SELENOO: variants seen among roughly 807,000 people sequenced by gnomAD.
SELENOO encodes the protein selenoprotein O.
SELENOO carries 74 observed loss-of-function variants against 58.7 expected under a neutral mutation model. The ratio of observed to expected loss-of-function variants is 1.26; its 90% CI spans 1.04 to 1.53. The LOEUF (loss-of-function observed/expected upper bound fraction) is 1.53, where lower values mean the gene tolerates loss of function less well. Ranked by LOEUF, SELENOO falls within the 40% of genes most tolerant of loss-of-function variation. The pLI, the probability that SELENOO is intolerant of heterozygous loss-of-function variation, is 0.00. For synonymous variants in SELENOO, 543 were observed against 453.2 expected (o/e 1.20, Z -2.52); for missense variants, 1,149 against 970.0 (o/e 1.18, Z -2.45).
chr22:50,211,086 G>C lies in SELENOO; in HGVS notation c.1351+175G>C, dbSNP rs185004614. On this transcript the variant is annotated intron_variant, in intron 5 of 8. Transcript: ENST00000380903. ...GAATTTGGTGAATCTAGGACCTGCT[G>C]CGAGTGGAGTCATACGGTGCTTGTT... Among the ~76,000 whole-genome samples, 109 of 152,334 alleles carry C rather than the reference G, an allele frequency of 7.2e-4. 2 individuals carry two copies. The highest frequency in any genetic ancestry group is 2.5e-3 in the African/African-American group (104 of 41,560).
chr22:50,205,388 C>G (rs1306681074), intron 1 of SELENOO, among the ~76,000 whole-genome samples: 1 of 152,186 alleles, frequency 6.6e-6, no homozygotes, highest in Non-Finnish European at 1.5e-5. Flanking sequence ...GAGTTCAAGA[C>G]TAGCGTGGGC....
chr22:50,203,624 G>C (rs1349712435), intron 1 of SELENOO, among the ~76,000 whole-genome samples: 2 of 152,228 alleles, frequency 1.3e-5, no homozygotes, highest in African/African-American at 4.8e-5. Flanking sequence ...AATGGAGAAA[G>C]ACTTTTCAAC....
chr22:50,217,239 A>T lies in SELENOO; in HGVS notation c.1880A>T (p.Tyr627Phe). 1 of 1,611,718 alleles carries T rather than the reference A, an allele frequency of 6.2e-7. No homozygotes were observed. Among genetic ancestry groups the T allele is most frequent in the Non-Finnish European group, 8.5e-7 (1 of 1,179,462 alleles). ...RRVLKLLETP[Y>F]HCEAGAATDA... is the part of the protein sequence containing the mutation. Reference sequence around the variant, plus strand: ...GTGCTGAAACTACTGGAGACCCCTTACCACTGCGAGGCGGGGGCCGCCACA... The same window carrying T: ...GTGCTGAAACTACTGGAGACCCCTTTCCACTGCGAGGCGGGGGCCGCCACA... The change falls in exon 9 of 9, where the codon TAC becomes TTC. Residue 627 changes from tyrosine to phenylalanine, a missense_variant. Transcript: ENST00000380903.
intron 5 of SELENOO, among the ~76,000 whole-genome samples, chr22:50,213,984 G>A (rs1602495387): frequency 6.6e-6 from 1 of 152,304 alleles, no homozygotes; most frequent in Middle Eastern, 3.4e-3. Flanking sequence ...GTGTGTTTAA[G>A]TCTCCAACTC....
chr22:50,213,644 CTGGA>C (rs2064386817), intron 5 of SELENOO, among the ~76,000 whole-genome samples: 1 of 151,750 alleles, frequency 6.6e-6, no homozygotes, highest in Admixed American at 6.6e-5. Flanking sequence ...GATCTTCTGT[CTGGA>C]TGGTTTTTTT....
intron 1 of SELENOO, among the ~76,000 whole-genome samples, chr22:50,204,329 G>A (rs780430680): frequency 3.3e-5 from 5 of 152,026 alleles, no homozygotes; most frequent in African/African-American, 7.2e-5. Flanking sequence ...AGACTGTCTC[G>A]GAAAAATAAA....
In SELENOO at chr22:50,208,797, C is replaced by T. The variant is rs577826818; in HGVS notation, c.939+81C>T. On this transcript the variant is annotated intron_variant, in intron 3 of 8. Coordinates refer to ENST00000380903, the MANE Select transcript of SELENOO (RefSeq NM_031454.2). ...GTGTTGAAGACACCCTCATTTTGGC[C>T]GGGGGACAAAGGCTTTTACCCAGCC... The T allele has an allele frequency of 1.3e-4, 182 of 1,403,648 alleles. No homozygotes were observed. The African/African-American group carries it at 1.8e-3, about 14-fold the overall frequency. 86.9% of individuals were successfully genotyped at this position (1,403,648 alleles called of 1,614,324 possible).
Position 50,216,876 on chromosome 22 carries a change from G to A in SELENOO, c.1688G>A (p.Arg563Lys). ...GHWADWLQAYRARLDKDLEGA... is the reference protein window; with the variant it reads ...GHWADWLQAYKARLDKDLEGA... ...TGGGCTGACTGGCTACAGGCGTACA[G>A]GTGAGCCCTGCGTCCATGGTCACCG... Residue 563 changes from arginine (R) to lysine (K), a missense_variant and splice_region_variant, in exon 7 of 9, where the codon AGA becomes AAA. Arg to Lys is a conservative substitution (Grantham distance 26, BLOSUM62 2). Transcript: ENST00000380903. 3 of 1,606,964 alleles carry A rather than the reference G, an allele frequency of 1.9e-6. No homozygotes were observed. The highest frequency in any genetic ancestry group is 2.5e-6 in the Non-Finnish European group (3 of 1,179,626).
At chr22:50,209,852 G>GGGCA (rs1310733174) in intron 3 of SELENOO, among the ~76,000 whole-genome samples, 1 of 152,224 alleles carries the variant, frequency 6.6e-6, no homozygotes, top group Non-Finnish European at 1.5e-5. Flanking sequence ...CCTGGCCCTG[G>GGGCA]GGCAGGTGTG....
At chr22:50,212,490 C>T (rs1053733646) in intron 5 of SELENOO, among the ~76,000 whole-genome samples, 1 of 152,184 alleles carries the variant, frequency 6.6e-6, no homozygotes, top group African/African-American at 2.4e-5. Flanking sequence ...GATCTATCCT[C>T]TTAAATTGTG....
intron 5 of SELENOO, among the ~76,000 whole-genome samples, 178 bp from the exon 6 acceptor site, chr22:50,215,539 G>A (rs560238372): frequency 6.6e-6 from 1 of 151,432 alleles, no homozygotes; most frequent in South Asian, 2.1e-4. Context: ...GTGCCAGGTG[G>A]AGGGTGTGGG....
intron 3 of SELENOO, among the ~76,000 whole-genome samples, chr22:50,209,793 G>T (rs541909831): frequency 2.9e-4 from 40 of 137,662 alleles, no homozygotes; most frequent in Admixed American, 1.2e-3. Flanking sequence ...CTGTCTGGTT[G>T]GGGGGGGCCA....
At position 50,201,339 on chromosome 22, in the gene SELENOO, C is replaced by T. The variant is rs2064298336; in HGVS notation, c.303C>T (p.Pro101=). ...RQPRLVALSE[P]ALALLGLGAP... is the part of the protein sequence containing the mutation. ...CGCGCCTCGTGGCGCTGTCAGAGCCCGCGCTGGCGTTGCTGGGCCTGGGCG... is the reference window on the plus strand; with the variant it reads ...CGCGCCTCGTGGCGCTGTCAGAGCCTGCGCTGGCGTTGCTGGGCCTGGGCG... Residue 101 remains proline, a synonymous_variant, in exon 1 of 9, where the codon CCC becomes CCT. Transcript: ENST00000380903. 1 of 1,167,272 alleles carries T rather than the reference C, an allele frequency of 8.6e-7. No homozygotes were observed. The highest frequency in any genetic ancestry group is 1.1e-6 in the Non-Finnish European group (1 of 948,492). 72.3% of individuals were successfully genotyped at this position (1,167,272 alleles called of 1,614,324 possible).
rs1222493326 is a variant in SELENOO, at chr22:50,201,309, G to A, written c.273G>A (p.Arg91=). ...CFTRVQPTPL[R]QPRLVALSEP... ...CCCGCGTGCAGCCCACCCCGCTGCG[G>A]CAGCCGCGCCTCGTGGCGCTGTCAG... The change falls in exon 1 of 9, where the codon CGG becomes CGA. Residue 91 remains arginine (R), a synonymous_variant. Coordinates refer to ENST00000380903, the MANE Select transcript of SELENOO (RefSeq NM_031454.2). 2 of 1,117,722 alleles carry A rather than the reference G, an allele frequency of 1.8e-6. No homozygotes were observed. The highest frequency in any genetic ancestry group is 2.2e-6 in the Non-Finnish European group (2 of 917,280). 69.2% of individuals were successfully genotyped at this position (1,117,722 alleles called of 1,614,324 possible). A position where few individuals can be genotyped will look rare whatever the true frequency, so the allele number is the denominator to read the frequency against.
chr22:50,204,624 A>G (rs2064321294), intron 1 of SELENOO, among the ~76,000 whole-genome samples: 1 of 28,792 alleles, frequency 3.5e-5, no homozygotes, highest in Non-Finnish European at 8.0e-5. Flanking sequence ...CTGTCTCAAA[A>G]AAAAAAAAAA....
rs1222281787 is a variant in SELENOO at position 50,217,055 on chromosome 22, A to C, written c.1772A>C (p.Asn591Thr). 4 of 1,612,598 alleles carry C rather than the reference A, an allele frequency of 2.5e-6. No homozygotes were observed. The African/African-American group carries it at 4.0e-5, about 16-fold the overall frequency. The change falls in exon 8 of 9, where the codon AAC (asparagine) becomes ACC (threonine). Residue 591 changes from asparagine (N) to threonine (T), a missense_variant. By Grantham distance (65) the Asn-to-Thr change is moderately conservative. Coordinates refer to ENST00000380903, the MANE Select transcript of SELENOO (RefSeq NM_031454.2). ...CACGTGCGCGTGATGCACGCCAACA[A>C]CCCGAAGTACGTGCTGAGGAACTAC... ...AEHVRVMHAN[N>T]PKYVLRNYIA...
At chr22:50,208,760 G>T in intron 3 of SELENOO, 44 bp downstream of exon 3, 1 of 1,576,140 alleles carries the variant, frequency 6.3e-7, no homozygotes, top group Non-Finnish European at 8.7e-7. Context: ...TGGATGCTGG[G>T]TGTCCCCACC....
rs897324626 is a variant in SELENOO, at chr22:50,201,568, G to T, written c.532G>T (p.Ala178Ser). ...GCGCTGGGAGCTGCAGCTCAAGGGC[G>T]CCGGGCCCACGCCCTTCTCCAGGTG... ...GERWELQLKGAGPTPFSRQAD... is the reference protein window; with the variant it reads ...GERWELQLKGSGPTPFSRQAD... The change falls in exon 1 of 9, where the codon GCC (alanine) becomes TCC (serine). Residue 178 changes from alanine (A) to serine (S), a missense_variant. Transcript: ENST00000380903. 3.7e-6 allele frequency: 5 copies of T among 1,357,690 alleles called. No individual in the cohort carries two copies. The African/African-American group carries it at 7.6e-5, about 21-fold the overall frequency. 84.1% of individuals were successfully genotyped at this position (1,357,690 alleles called of 1,614,324 possible). A position where few individuals can be genotyped will look rare whatever the true frequency, so the allele number is the denominator to read the frequency against.
At position 50,217,480 on chromosome 22, in the gene SELENOO, A is replaced by C; in HGVS notation, c.*111A>C. On this transcript the variant is annotated 3_prime_UTR_variant, in exon 9 of 9. Transcript: ENST00000380903. ...ACACTGGGGGATTCTGCCCTGGCCCATGCACACCCGTCTTTCCATGATGGC... is the reference window on the plus strand; with the variant it reads ...ACACTGGGGGATTCTGCCCTGGCCCCTGCACACCCGTCTTTCCATGATGGC... The C allele has an allele frequency of 7.6e-7, 1 of 1,308,648 alleles. No homozygotes were observed. The highest frequency in any genetic ancestry group is 2.5e-5 in the East Asian group (1 of 39,500). The allele number at this position is 1,308,648 out of a possible 1,614,324, so 81.1% of individuals were successfully genotyped here.
Sources: gnomAD v4.1 joint callset for allele counts (sites outside exome capture counted in the v4.1 genomes callset) on GRCh38, gnomAD v4.1.1 for gene constraint, MANE v1.5 for transcripts, NCBI Gene and HGNC (gene_info 2026-07-23, HGNC 2026-07-21) for gene names.